CLVS1: variants seen among roughly 807,000 people sequenced by gnomAD.
CLVS1 encodes clavesin-1.
Under a neutral mutation model 33.1 loss-of-function variants are expected in CLVS1, and 10 were observed. The observed-to-expected ratio is 0.30, with a 90% CI of 0.19 to 0.51. The LOEUF is 0.51. Among genes scored for constraint, CLVS1 ranks in the 20% least tolerant of loss-of-function variants. CLVS1 has a pLI of 0.97. For missense variants in CLVS1, 343 were observed against 433.4 expected, an observed-to-expected ratio of 0.79 and a Z score of 1.85; for synonymous variants, 163 against 166.1, an observed-to-expected ratio of 0.98 and a Z score of 0.14.
intron 3 of CLVS1, among the ~76,000 whole-genome samples, chr8:61,423,047 T>C (rs1815741693): frequency 6.6e-6 from 1 of 152,144 alleles, no homozygotes; most frequent in Non-Finnish European, 1.5e-5. Flanking sequence ...TGATTGTTCT[T>C]AATGGGAAGC....
At chr8:61,193,728 C>A (rs1344901932) in intron 2 of CLVS1, among the ~76,000 whole-genome samples, 2 of 151,312 alleles carry the variant, frequency 1.3e-5, no homozygotes, top group Non-Finnish European at 2.9e-5. Context: ...CCTATGGAAC[C>A]CTACTAAAAG....
chr8:61,387,217 A>C (rs1837525), intron 3 of CLVS1, among the ~76,000 whole-genome samples: 1 of 151,764 alleles, frequency 6.6e-6, no homozygotes, highest in African/African-American at 2.4e-5. Flanking sequence ...GTGAAACTCC[A>C]TCTCTACTAA....
intron 2 of CLVS1, among the ~76,000 whole-genome samples, chr8:61,331,804 T>TCTC (rs1182877348): frequency 2.4e-4 from 36 of 148,942 alleles, no homozygotes; most frequent in African/African-American, 6.9e-4. Context: ...TTCTTCTTCT[T>TCTC]CTCCTCCTCC....
intron 2 of CLVS1, among the ~76,000 whole-genome samples, chr8:61,169,795 C>T (rs1806956391): frequency 6.6e-6 from 1 of 152,136 alleles, no homozygotes; most frequent in African/African-American, 2.4e-5. Flanking sequence ...GTGAGACTCC[C>T]ATGGCTATGT....
intron 3 of CLVS1, among the ~76,000 whole-genome samples, chr8:61,441,516 A>C (rs1816544036): frequency 6.6e-6 from 1 of 152,184 alleles, no homozygotes; most frequent in Non-Finnish European, 1.5e-5. Flanking sequence ...AGGGCAGCCA[A>C]TGTGAAAGAA....
intron 2 of CLVS1, among the ~76,000 whole-genome samples, chr8:61,177,946 TA>T (rs201934733): frequency 0.034 from 5,193 of 152,150 alleles, 98 homozygotes; most frequent in Middle Eastern, 0.041. Context: ...CTCCTCCAAA[TA>T]ATCACTACAC....
the CLVS1 span, among the ~76,000 whole-genome samples, chr8:61,036,112 T>C: frequency 6.6e-6 from 1 of 152,222 alleles, no homozygotes; most frequent in African/African-American, 2.4e-5. Context: ...AGCATTTGTA[T>C]TGGCATTGTA....
intron 1 of CLVS1, among the ~76,000 whole-genome samples, chr8:61,057,872 C>T (rs1039351196): frequency 1.3e-5 from 2 of 152,148 alleles, no homozygotes; most frequent in African/African-American, 4.8e-5. Context: ...AAGCATCACC[C>T]AACCTCGTGG....
chr8:61,338,574 A>G (rs1811889307), intron 2 of CLVS1, among the ~76,000 whole-genome samples: 1 of 152,158 alleles, frequency 6.6e-6, no homozygotes. Flanking sequence ...CTTACGCAAT[A>G]AGGGTATCAG....
rs545453009 is a variant in CLVS1 at position 61,501,260 on chromosome 8, T to C, written c.*1718T>C. On this transcript the variant is annotated 3_prime_UTR_variant, in exon 6 of 6. Coordinates refer to ENST00000325897, the MANE Select transcript of CLVS1 (RefSeq NM_173519.3). ...AGAAAATCCATTTTATTGCTTGGGTTTAAAATAGTTGTGGGATACAAGTAT... is the reference window on the plus strand; with the variant it reads ...AGAAAATCCATTTTATTGCTTGGGTCTAAAATAGTTGTGGGATACAAGTAT... The C allele has an allele frequency of 5.9e-5, 9 of 152,296 alleles. No individual in the cohort carries two copies. In the East Asian group the frequency reaches 1.7e-3, roughly 29 times the overall value. 9.4% of individuals were successfully genotyped at this position (152,296 alleles called of 1,614,324 possible).
intron 1 of CLVS1, among the ~76,000 whole-genome samples, chr8:61,131,468 T>C (rs1414154674): frequency 6.6e-6 from 1 of 152,044 alleles, no homozygotes; most frequent in African/African-American, 2.4e-5. Context: ...TTTCTGTCTG[T>C]GTAGTGGGAG....
At chr8:61,443,095 C>T (rs1816626929) in intron 3 of CLVS1, among the ~76,000 whole-genome samples, 1 of 152,032 alleles carries the variant, frequency 6.6e-6, no homozygotes, top group East Asian at 1.9e-4. Flanking sequence ...TGTTTCAATA[C>T]TGTTATATTT....
intron 3 of CLVS1, among the ~76,000 whole-genome samples, chr8:61,395,167 G>T (rs1257624957): frequency 6.6e-6 from 1 of 152,170 alleles, no homozygotes; most frequent in African/African-American, 2.4e-5. Flanking sequence ...AACATGGATG[G>T]AACTGAAGGA....
the CLVS1 span, among the ~76,000 whole-genome samples, chr8:61,034,538 C>T: frequency 6.6e-6 from 1 of 152,078 alleles, no homozygotes; most frequent in Non-Finnish European, 1.5e-5. Context: ...CATCCCTCCC[C>T]GAGCCTCTGT....
intron 2 of CLVS1, among the ~76,000 whole-genome samples, chr8:61,357,620 C>T (rs1227637921): frequency 6.7e-6 from 1 of 149,904 alleles, no homozygotes; most frequent in Non-Finnish European, 1.5e-5. Context: ...ATTCTCATGC[C>T]TCAGCCTCCC....
intron 1 of CLVS1, among the ~76,000 whole-genome samples, chr8:61,109,232 T>G (rs1331325282): frequency 6.6e-6 from 1 of 152,058 alleles, no homozygotes; most frequent in Non-Finnish European, 1.5e-5. Context: ...TCATTTGCAA[T>G]GTAAGGAAAA....
intron 4 of CLVS1, among the ~76,000 whole-genome samples, chr8:61,456,691 C>T (rs185154386): frequency 1.6e-3 from 247 of 151,864 alleles, no homozygotes; most frequent in African/African-American, 5.1e-3. Flanking sequence ...CCGAGGCATG[C>T]GGATCACGAG....
At chr8:61,290,764 A>G (rs1052655691) in intron 1 of CLVS1, among the ~76,000 whole-genome samples, 5 of 152,254 alleles carry the variant, frequency 3.3e-5, no homozygotes, top group Admixed American at 6.5e-5. Context: ...CAGAATGAGT[A>G]TACAAAATAT....
intron 1 of CLVS1, among the ~76,000 whole-genome samples, chr8:61,088,661 T>C (rs1805171080): frequency 6.6e-6 from 1 of 151,950 alleles, no homozygotes; most frequent in Admixed American, 6.6e-5. Context: ...GGGTTTAGAG[T>C]ATCACTTTTT....
Sources: allele counts gnomAD v4.1 joint callset (sites outside exome capture counted in the v4.1 genomes callset), GRCh38; gene constraint gnomAD v4.1.1; transcripts MANE v1.5; gene names NCBI Gene and HGNC (gene_info 2026-07-23, HGNC 2026-07-21).